The following PCDH15 variants were observed in gnomAD, a reference collection of about 807,000 sequenced individuals.
PCDH15 encodes protocadherin-15.
In PCDH15, 129 loss-of-function variants were observed where a neutral mutation model predicts 178.5. The observed-to-expected ratio is 0.72, with a 90% CI of 0.63 to 0.84. The LOEUF is 0.84. PCDH15 is among the 40% of genes least tolerant of loss of function. The pLI is 0.00. For synonymous variants in PCDH15, 800 were observed against 732.0 expected, an observed-to-expected ratio of 1.09 and a Z score of -1.50; for missense variants, 2,230 against 2,099.9, an observed-to-expected ratio of 1.06 and a Z score of -1.21.
At chr10:53,883,675 C>T (rs924083185) in intron 26 of PCDH15, among the ~76,000 whole-genome samples, 3 of 152,092 alleles carry the variant, frequency 2.0e-5, no homozygotes, top group African/African-American at 7.2e-5. Context: ...CCAACATTAC[C>T]AAAGCTTGAA....
intron 34 of PCDH15, among the ~76,000 whole-genome samples, chr10:53,817,345 C>A (rs2076096265): frequency 6.6e-6 from 1 of 152,000 alleles, no homozygotes; most frequent in East Asian, 1.9e-4. Flanking sequence ...TCTCTGCAGA[C>A]AGAATCAAAT....
At chr10:53,926,516 A>G (rs2084568033) in intron 25 of PCDH15, among the ~76,000 whole-genome samples, 1 of 152,166 alleles carries the variant, frequency 6.6e-6, no homozygotes, top group Admixed American at 6.5e-5. Context: ...CTATTTTATG[A>G]TTCTTTTACT....
intron 2 of PCDH15, among the ~76,000 whole-genome samples, chr10:55,094,567 T>A (rs1271332820): frequency 6.6e-6 from 1 of 152,006 alleles, no homozygotes; most frequent in East Asian, 1.9e-4. Flanking sequence ...AAAAATTAGG[T>A]AGTATTGGCA....
intron 2 of PCDH15, among the ~76,000 whole-genome samples, chr10:55,039,095 T>C (rs987514637): frequency 7.2e-5 from 11 of 152,076 alleles, no homozygotes; most frequent in Admixed American, 7.2e-4. Context: ...CACACCAGCA[T>C]ATTCCCTCTC....
intron 3 of PCDH15, among the ~76,000 whole-genome samples, chr10:54,525,091 A>G (rs546950152): frequency 2.6e-5 from 4 of 152,242 alleles, no homozygotes; most frequent in Admixed American, 6.5e-5. Flanking sequence ...AGATAGAGAC[A>G]TGTGTATAAA....
chr10:55,159,901 G>A (rs1463768889), intron 2 of PCDH15, among the ~76,000 whole-genome samples: 1 of 150,610 alleles, frequency 6.6e-6, no homozygotes, highest in Non-Finnish European at 1.5e-5. Flanking sequence ...TATTTATTAA[G>A]GTGAAAAATA....
intron 8 of PCDH15, among the ~76,000 whole-genome samples, chr10:54,283,809 A>G (rs2058855930): frequency 6.6e-6 from 1 of 152,046 alleles, no homozygotes; most frequent in Non-Finnish European, 1.5e-5. Context: ...TTCAGTAAAA[A>G]CATGCCAAAA....
At chr10:55,341,951 CT>C (rs1184774725) in intron 2 of PCDH15, among the ~76,000 whole-genome samples, 53 of 147,162 alleles carry the variant, frequency 3.6e-4, no homozygotes, top group Non-Finnish European at 5.4e-4. Context: ...CCGGACACAA[CT>C]TTTTTTTTAA....
At chr10:54,060,102 T>A (rs186465223) in intron 18 of PCDH15, among the ~76,000 whole-genome samples, 45 of 152,350 alleles carry the variant, frequency 3.0e-4, no homozygotes. Flanking sequence ...TAAAATATCC[T>A]ACAAATGTGA....
chr10:53,821,183 AAG>A (rs1185679643), intron 32 of PCDH15: 61 of 973,328 alleles, frequency 6.3e-5, no homozygotes, highest in Non-Finnish European at 7.2e-5. Flanking sequence ...GCAACTGAAA[AAG>A]TATAAGATTT....
In PCDH15 at chr10:54,922,431, T is replaced by C. The variant is rs115072636; in HGVS notation, c.-79-24931A>G. Among the ~76,000 whole-genome samples, 998 of 152,230 alleles carry C rather than the reference T, an allele frequency of 6.6e-3. 8 individuals carry two copies. The highest frequency in any genetic ancestry group is 0.022 in the African/African-American group (916 of 41,550). ...AATTCCAAACCCAGCCGGGCAGTCATTAAATCTCAAAGCTTAAAGTATTTT... is the reference window on the plus strand; with the variant it reads ...AATTCCAAACCCAGCCGGGCAGTCACTAAATCTCAAAGCTTAAAGTATTTT... On this transcript the variant is annotated intron_variant, in intron 2 of 5. Coordinates refer to the PCDH15 transcript ENST00000458638.
At chr10:55,091,723 A>C (rs1842322636) in intron 2 of PCDH15, among the ~76,000 whole-genome samples, 1 of 151,872 alleles carries the variant, frequency 6.6e-6, no homozygotes, top group South Asian at 2.1e-4. Context: ...AATTATTTTT[A>C]CTACACATTT....
intron 2 of PCDH15, among the ~76,000 whole-genome samples, chr10:54,595,209 T>C (rs1014747627): frequency 1.3e-5 from 2 of 152,152 alleles, no homozygotes; most frequent in Non-Finnish European, 1.5e-5. Flanking sequence ...CATTAGAGTG[T>C]TGTGACCAGC....
At chr10:54,709,674 G>T (rs998078196) in intron 1 of PCDH15, among the ~76,000 whole-genome samples, 77 of 95,558 alleles carry the variant, frequency 8.1e-4, no homozygotes, top group African/African-American at 2.8e-3. Flanking sequence ...TATAGTTATG[G>T]GAGTAATGTG....
rs115917743 is a variant in PCDH15 at position 55,476,295 on chromosome 10, C to T, written c.-156+151330G>A. Among the ~76,000 whole-genome samples, 553 of 152,014 alleles carry T rather than the reference C, an allele frequency of 3.6e-3. 3 individuals carry two copies. The highest frequency in any genetic ancestry group is 9.4e-3 in the African/African-American group (389 of 41,490). ...TTGCCTTTGAGAATAGAAAAAGAGGCCTCTTAGTCATGGACAGAGTTTAAA... is the reference window on the plus strand; with the variant it reads ...TTGCCTTTGAGAATAGAAAAAGAGGTCTCTTAGTCATGGACAGAGTTTAAA... On this transcript the variant is annotated intron_variant, in intron 2 of 5. Coordinates refer to the PCDH15 transcript ENST00000613346.
At chr10:55,312,958 T>G (rs1420773598) in intron 1 of PCDH15, among the ~76,000 whole-genome samples, 1 of 152,204 alleles carries the variant, frequency 6.6e-6, no homozygotes, top group African/African-American at 2.4e-5. Context: ...GGTATGCTGA[T>G]GCTGTATTTA....
At chr10:55,292,595 T>C (rs575999357) in intron 1 of PCDH15, among the ~76,000 whole-genome samples, 1 of 152,266 alleles carries the variant, frequency 6.6e-6, no homozygotes, top group Admixed American at 6.5e-5. Flanking sequence ...TTGGCCAGGC[T>C]GGTCTCGAAA....
chr10:54,736,195 A>C (rs1483068345), intron 1 of PCDH15, among the ~76,000 whole-genome samples: 1 of 151,988 alleles, frequency 6.6e-6, no homozygotes, highest in Non-Finnish European at 1.5e-5. Flanking sequence ...CAGTATCATC[A>C]CATTATTTCT....
At chr10:54,207,378 ATGTGTG>A (rs879535806) in intron 10 of PCDH15, among the ~76,000 whole-genome samples, 1 of 12,180 alleles carries the variant, frequency 8.2e-5, no homozygotes, top group Non-Finnish European at 1.7e-4. Context: ...GTGTGTGTGT[ATGTGTG>A]TGTGTGTGTG....
Sources: gnomAD v4.1 joint callset for allele counts (sites outside exome capture counted in the v4.1 genomes callset) on GRCh38, gnomAD v4.1.1 for gene constraint, MANE v1.5 for transcripts, NCBI Gene and HGNC (gene_info 2026-07-23, HGNC 2026-07-21) for gene names.